The following FAM98C variants were observed in gnomAD, a reference collection of about 807,000 sequenced individuals.
FAM98C encodes tRNA splicing ligase complex subunit 3C, also known as protein FAM98C.
Under a neutral mutation model 41.1 loss-of-function variants are expected in FAM98C, and 38 were observed. The ratio of observed to expected loss-of-function variants is 0.92; its 90% CI spans 0.71 to 1.21. The LOEUF is 1.21. Among genes scored for constraint, FAM98C ranks in the 50% most tolerant of loss-of-function variants. FAM98C has a pLI of 0.00. For missense variants in FAM98C, 493 were observed against 484.7 expected (o/e 1.02, Z -0.16); for synonymous variants, 195 against 216.7 (o/e 0.90, Z 0.88).
intron 6 of FAM98C, chr19:38,406,446 G>A (rs1281923376): frequency 1.9e-5 from 3 of 154,246 alleles, no homozygotes. Flanking sequence ...GCAGGCATGA[G>A]CCACCACGCC....
rs770476417 is a variant in FAM98C, at chr19:38,407,073, A to G, written c.914A>G (p.Asn305Ser). Reference sequence around the variant, plus strand: ...CGCAGAGGGACCTGCTGTGCCATCAACAAGGTGGGCATCTGGGGTAGGGAA... The same window carrying G: ...CGCAGAGGGACCTGCTGTGCCATCAGCAAGGTGGGCATCTGGGGTAGGGAA... ...AVRRGTCCAI[N>S]KVLMGNVPDR... is the part of the protein sequence containing the mutation. The change falls in exon 7 of 8, where the codon AAC (asparagine) becomes AGC (serine). Residue 305 changes from asparagine to serine, a missense_variant. Asn to Ser is a conservative substitution (Grantham distance 46). Coordinates refer to ENST00000252530, the MANE Select transcript of FAM98C (RefSeq NM_174905.4). The G allele has an allele frequency of 2.8e-5, 45 of 1,612,910 alleles. No homozygotes were observed. Among genetic ancestry groups the G allele is most frequent in the Non-Finnish European group, 3.6e-5 (43 of 1,179,266 alleles).
At position 38,408,875 on chromosome 19, in the gene FAM98C, AGAAGT is replaced by A. The variant is rs1233548941; in HGVS notation, c.1044_1048del (p.Ter350GlyfsTer12). 3.8e-6 allele frequency: 6 copies of A among 1,580,528 alleles called. No homozygotes were observed. The East Asian group carries it at 1.4e-4, about 36-fold the overall frequency. On this transcript the variant is annotated frameshift_variant and stop_lost, in exon 8 of 8. Transcript: ENST00000252530. LOFTEE classifies it high-confidence loss of function. ...TGTTGGGGTCGCAAGAAGAAGAAGA[AGAAGT>A]AAAGGGGGACTGGTGGTCGGGGGCG...
chr19:38,405,826 G>A, intron 6 of FAM98C, 191 bp downstream of exon 6: 1 of 595,616 alleles, frequency 1.7e-6, no homozygotes, highest in East Asian at 2.8e-5. Flanking sequence ...TCCCAGCTCT[G>A]AGCTGGCAGT....
At position 38,407,082 on chromosome 19, in the gene FAM98C, G is replaced by C; in HGVS notation, c.918+5G>C. ...ACCTGCTGTGCCATCAACAAGGTGG[G>C]CATCTGGGGTAGGGAAGGGCCCTGG... On this transcript the variant is annotated splice_donor_5th_base_variant and intron_variant, in intron 7 of 7. Transcript: ENST00000252530. The C allele has an allele frequency of 6.2e-7, 1 of 1,612,200 alleles. No homozygotes were observed. The highest frequency in any genetic ancestry group is 8.5e-7 in the Non-Finnish European group (1 of 1,178,726).
chr19:38,406,017 C>A, intron 6 of FAM98C: 1 of 197,340 alleles, frequency 5.1e-6, no homozygotes, highest in Non-Finnish European at 1.1e-5. Context: ...CCACCATGCC[C>A]AGCTAATTTT....
At chr19:38,408,615 C>T (rs1971086991) in intron 7 of FAM98C, 136 bp from the exon 8 acceptor site, 2 of 1,127,404 alleles carry the variant, frequency 1.8e-6, no homozygotes, top group Non-Finnish European at 2.6e-6. Flanking sequence ...AGTTCAGTCC[C>T]CCCTCCCCCA....
intron 3 of FAM98C, among the ~76,000 whole-genome samples, chr19:38,404,015 C>T (rs1427534118): frequency 1.3e-5 from 2 of 151,986 alleles, no homozygotes; most frequent in African/African-American, 2.4e-5. Context: ...ATTCTCTTGC[C>T]TCAGCCTCCC....
chr19:38,405,462 C>T (rs1971025588), intron 5 of FAM98C, 41 bp downstream of exon 5: 1 of 1,613,810 alleles, frequency 6.2e-7, no homozygotes, highest in African/African-American at 1.3e-5. Flanking sequence ...ACTGTGTCCT[C>T]ATCAGAGGTG....
At chr19:38,403,301 A>G in intron 1 of FAM98C, 37 bp from the exon 2 acceptor site, 1 of 1,501,150 alleles carries the variant, frequency 6.7e-7, no homozygotes, top group Non-Finnish European at 8.8e-7. Context: ...ATTCCCAGTG[A>G]CATCCCCGCC....
Position 38,407,082 on chromosome 19 carries a change from G to A in FAM98C, c.918+5G>A. ...ACCTGCTGTGCCATCAACAAGGTGG[G>A]CATCTGGGGTAGGGAAGGGCCCTGG... On this transcript the variant is annotated splice_donor_5th_base_variant and intron_variant, in intron 7 of 7. Transcript: ENST00000252530. 2 of 1,612,200 alleles carry A rather than the reference G, an allele frequency of 1.2e-6. No homozygotes were observed. Among genetic ancestry groups the A allele is most frequent in the Non-Finnish European group, 1.7e-6 (2 of 1,178,726 alleles).
chr19:38,406,951 A>C lies in FAM98C; in HGVS notation c.792A>C (p.Arg264=). ...EAMRAVLIPI[R]EVLTPESDIS... is the part of the protein sequence containing the mutation. ...TGAGGGCAGTGCTGATCCCAATTCG[A>C]GAGGTTCTGACCCCAGAATCGGACA... Residue 264 remains arginine, a synonymous_variant, in exon 7 of 8, where the codon CGA becomes CGC. Coordinates refer to ENST00000252530, the MANE Select transcript of FAM98C (RefSeq NM_174905.4). 6.2e-7 allele frequency: 1 copy of C among 1,614,140 alleles called. No homozygotes were observed. Among genetic ancestry groups the C allele is most frequent in the Non-Finnish European group, 8.5e-7 (1 of 1,180,018 alleles).
At chr19:38,405,998 G>A (rs57753437) in intron 6 of FAM98C, 9,941 of 205,244 alleles carry the variant, frequency 0.048, 368 homozygotes, top group African/African-American at 0.12. Flanking sequence ...CTGGGATTAC[G>A]GGCACATGCC....
chr19:38,404,340 G>C (rs7246085), intron 3 of FAM98C, among the ~76,000 whole-genome samples: 5,408 of 152,176 alleles, frequency 0.036, 126 homozygotes, highest in African/African-American at 0.056. Flanking sequence ...TTTAGGTGGG[G>C]GGGACTAGAA....
chr19:38,403,220 T>A lies in FAM98C; in HGVS notation c.65+2T>A. On this transcript the variant is annotated splice_donor_variant, in intron 1 of 7. Coordinates refer to ENST00000252530, the MANE Select transcript of FAM98C (RefSeq NM_174905.4). LOFTEE classifies it high-confidence loss of function. ...GGCCCAGGACCTGCTGGCTCTGGGG[T>A]AAAAGGGTGTGCGGTGAGGCTGGTG... 1 of 1,557,294 alleles carries A rather than the reference T, an allele frequency of 6.4e-7. No homozygotes were observed.
Position 38,406,908 on chromosome 19 carries a change from A to G in FAM98C, c.751-2A>G. 2.5e-6 allele frequency: 4 copies of G among 1,613,482 alleles called. No individual in the cohort carries two copies. Among genetic ancestry groups the G allele is most frequent in the Non-Finnish European group, 3.4e-6 (4 of 1,179,424 alleles). On this transcript the variant is annotated splice_acceptor_variant, in intron 6 of 7. Coordinates refer to ENST00000252530, the MANE Select transcript of FAM98C (RefSeq NM_174905.4). LOFTEE classifies it high-confidence loss of function. ...CCTTCTCTTACCTCCTCCCCACTCC[A>G]GGCCCAAGGAGAGGCCATGAGGGCA...
Position 38,408,804 on chromosome 19 carries a change from T to A in FAM98C, c.972T>A (p.Pro324=), listed in dbSNP as rs1481200377. Reference sequence around the variant, plus strand: ...GGGGCCGCCCAAATGAGCTGGAGCCTCCCATGCCCACCTGGAGGAGCCGAA... The same window carrying A: ...GGGGCCGCCCAAATGAGCTGGAGCCACCCATGCCCACCTGGAGGAGCCGAA... ...DRGGRPNELE[P]PMPTWRSRRE... is the part of the protein sequence containing the mutation. The change falls in exon 8 of 8, where the codon CCT becomes CCA. Residue 324 remains proline (P), a synonymous_variant. Coordinates refer to ENST00000252530, the MANE Select transcript of FAM98C (RefSeq NM_174905.4). 4 of 1,612,934 alleles carry A rather than the reference T, an allele frequency of 2.5e-6. No homozygotes were observed. In the African/African-American group the frequency reaches 5.4e-5, roughly 22 times the overall value.
chr19:38,408,776 G>T lies in FAM98C; in HGVS notation c.944G>T (p.Arg315Leu). The T allele has an allele frequency of 6.2e-7, 1 of 1,611,658 alleles. No homozygotes were observed. The stretch of plus-strand genomic sequence containing the variant: ...GTGCTTATGGGCAACGTTCCAGACC[G>T]GGGGGGCCGCCCAAATGAGCTGGAG... ...NKVLMGNVPD[R>L]GGRPNELEPP... The change falls in exon 8 of 8, where the codon CGG (arginine) becomes CTG (leucine). Residue 315 changes from arginine (R) to leucine (L), a missense_variant. Transcript: ENST00000252530.
intron 4 of FAM98C, 51 bp from the exon 5 acceptor site, chr19:38,405,293 A>G: frequency 1.3e-6 from 2 of 1,588,278 alleles, no homozygotes; most frequent in African/African-American, 2.7e-5. Context: ...GAGTTTACAG[A>G]GGGGCCCATC....
At chr19:38,407,128 GC>G in intron 7 of FAM98C, 51 bp downstream of exon 7, 1 of 1,591,394 alleles carries the variant, frequency 6.3e-7, no homozygotes, top group Non-Finnish European at 8.6e-7. Flanking sequence ...CTTCAGATTG[GC>G]CTTTCAGCCT....
Sources: allele counts gnomAD v4.1 joint callset (sites outside exome capture counted in the v4.1 genomes callset), GRCh38; gene constraint gnomAD v4.1.1; transcripts MANE v1.5; gene names NCBI Gene and HGNC (gene_info 2026-07-23, HGNC 2026-07-21).